GSK3B: variants seen among roughly 807,000 people sequenced by gnomAD.
The protein encoded by GSK3B is glycogen synthase kinase-3 beta.
Under a neutral mutation model 56.4 loss-of-function variants are expected in GSK3B, and 15 were observed. The ratio of observed to expected loss-of-function variants is 0.27; its 90% CI spans 0.18 to 0.41. The LOEUF is 0.41. Ranked by LOEUF, GSK3B falls within the 10% of genes least tolerant of loss-of-function variation. The pLI is 1.00. For synonymous variants in GSK3B, 181 were observed against 188.9 expected, an observed-to-expected ratio of 0.96 and a Z score of 0.34; for missense variants, 300 against 513.4, an observed-to-expected ratio of 0.58 and a Z score of 4.02.
chr3:119,983,251 A>T (rs1316853671), intron 2 of GSK3B, among the ~76,000 whole-genome samples: 9 of 152,218 alleles, frequency 5.9e-5, no homozygotes, highest in Admixed American at 5.9e-4. Context: ...CTGCAAAAAC[A>T]TGCCAAATTG....
At position 119,998,517 on chromosome 3, in the gene GSK3B, C is replaced by A. The variant is rs74686642; in HGVS notation, c.282+3529G>T. On this transcript the variant is annotated intron_variant, in intron 2 of 10. Coordinates refer to ENST00000264235, the MANE Select transcript of GSK3B (RefSeq NM_001146156.2). The stretch of plus-strand genomic sequence containing the variant: ...AGCTAAGCCATGCCTGAATTTCCAA[C>A]GCACAGAAGCACTGAGATAATAAAA... 7.2e-5 allele frequency among the ~76,000 whole-genome samples: 11 copies of A among 152,236 alleles called. 1 individual carries two copies. The East Asian group carries it at 1.9e-3, about 27-fold the overall frequency.
chr3:119,875,291 G>C (rs770395847), intron 8 of GSK3B, among the ~76,000 whole-genome samples: 2 of 150,880 alleles, frequency 1.3e-5, no homozygotes, highest in Non-Finnish European at 3.0e-5. Context: ...ATCTGATTAA[G>C]AGAGAGAGAG....
At chr3:119,950,576 T>C (rs147628482) in intron 2 of GSK3B, among the ~76,000 whole-genome samples, 32 of 152,180 alleles carry the variant, frequency 2.1e-4, no homozygotes, top group African/African-American at 6.7e-4. Context: ...ACTGACTAGA[T>C]TGAATTAAAG....
chr3:119,873,656 C>T (rs2056274390), intron 8 of GSK3B, among the ~76,000 whole-genome samples: 1 of 152,062 alleles, frequency 6.6e-6, no homozygotes, highest in Admixed American at 6.6e-5. Flanking sequence ...TTAAGTTTTG[C>T]ATTTTAATTC....
intron 4 of GSK3B, among the ~76,000 whole-genome samples, chr3:119,917,056 G>A (rs1307659710): frequency 1.3e-5 from 2 of 151,888 alleles, no homozygotes; most frequent in African/African-American, 2.4e-5. Context: ...TTTACCTTCT[G>A]ACCTCTACCC....
At chr3:119,852,340 A>G (rs1005493247) in intron 9 of GSK3B, among the ~76,000 whole-genome samples, 2 of 151,628 alleles carry the variant, frequency 1.3e-5, no homozygotes, top group African/African-American at 4.9e-5. Flanking sequence ...AAAATCTTAT[A>G]TTCAGAACTC....
chr3:119,928,727 G>C (rs998185594), intron 3 of GSK3B, among the ~76,000 whole-genome samples: 11 of 150,536 alleles, frequency 7.3e-5, no homozygotes, highest in Non-Finnish European at 1.0e-4. Context: ...TAATTAAGAA[G>C]TAAGATTAGC....
At chr3:119,829,885 A>G (rs1179225759) in intron 10 of GSK3B, among the ~76,000 whole-genome samples, 1 of 152,228 alleles carries the variant, frequency 6.6e-6, no homozygotes. Flanking sequence ...ACATAATTTT[A>G]ACGCTAATTA....
At chr3:119,861,546 CAAAA>C (rs1004581406) in intron 9 of GSK3B, among the ~76,000 whole-genome samples, 1 of 149,192 alleles carries the variant, frequency 6.7e-6, no homozygotes, top group Non-Finnish European at 1.5e-5. Flanking sequence ...AACAAACAAA[CAAAA>C]AAACCAAAAA....
intron 8 of GSK3B, among the ~76,000 whole-genome samples, chr3:119,875,561 G>A (rs187972926): frequency 3.4e-5 from 5 of 148,186 alleles, no homozygotes; most frequent in Non-Finnish European, 5.9e-5. Flanking sequence ...GTTTAATCCC[G>A]GCTTTGTCAC....
Position 120,081,966 on chromosome 3 carries a change from G to A in GSK3B, c.88+11381C>T, listed in dbSNP as rs116351606. ...CAGCTAAGGTCTTTGAAACAGCAAG[G>A]GGAAATAATATATGACAAAGAATAT... On this transcript the variant is annotated intron_variant, in intron 1 of 10. Coordinates refer to ENST00000264235, the MANE Select transcript of GSK3B (RefSeq NM_001146156.2). Among the ~76,000 whole-genome samples, 231 of 152,206 alleles carry A rather than the reference G, an allele frequency of 1.5e-3. 1 individual carries two copies. The highest frequency in any genetic ancestry group is 3.6e-3 in the Admixed American group (55 of 15,286).
At chr3:119,950,562 A>G (rs1196996845) in intron 2 of GSK3B, among the ~76,000 whole-genome samples, 9 of 152,232 alleles carry the variant, frequency 5.9e-5, no homozygotes, top group Non-Finnish European at 1.3e-4. Flanking sequence ...CAATGGTGAA[A>G]AAAACTGACT....
At chr3:120,013,852 T>C (rs1250917814) in intron 1 of GSK3B, among the ~76,000 whole-genome samples, 1 of 140,310 alleles carries the variant, frequency 7.1e-6, no homozygotes, top group East Asian at 2.1e-4. Context: ...AAACCACGTT[T>C]AAAAAAAAAA....
chr3:119,923,254 A>G (rs72546696), intron 4 of GSK3B, 119 bp downstream of exon 4: 6,793 of 512,714 alleles, frequency 0.013, 135 homozygotes, highest in South Asian at 0.067. Context: ...AACAATACCT[A>G]CTTTACAGTT....
chr3:119,927,886 A>C (rs1272242430), intron 3 of GSK3B, among the ~76,000 whole-genome samples: 2 of 152,258 alleles, frequency 1.3e-5, no homozygotes, highest in African/African-American at 4.8e-5. Flanking sequence ...AAGCAAGGAA[A>C]GATTAGCATC....
At chr3:119,942,744 G>A (rs143571900) in intron 3 of GSK3B, among the ~76,000 whole-genome samples, 25 of 152,158 alleles carry the variant, frequency 1.6e-4, no homozygotes, top group African/African-American at 5.8e-4. Context: ...TTTCATTGGG[G>A]ATGTAGAAAG....
intron 4 of GSK3B, among the ~76,000 whole-genome samples, chr3:119,917,652 G>A (rs2056794440): frequency 6.8e-6 from 1 of 146,338 alleles, no homozygotes; most frequent in African/African-American, 2.6e-5. Flanking sequence ...CAGTGAAAAC[G>A]AGTTTTCTTT....
intron 2 of GSK3B, 59 bp from the exon 3 acceptor site, chr3:119,947,410 A>C: frequency 9.9e-7 from 1 of 1,015,006 alleles, no homozygotes; most frequent in South Asian, 1.3e-5. Flanking sequence ...CATCATATTG[A>C]ACAAGATGCT....
chr3:119,867,954 A>G (rs1397885876), intron 8 of GSK3B, among the ~76,000 whole-genome samples: 1 of 152,148 alleles, frequency 6.6e-6, no homozygotes, highest in African/African-American at 2.4e-5. Context: ...AGAGCACAAA[A>G]TAAGACTCAA....
Sources: allele counts gnomAD v4.1 joint callset (sites outside exome capture counted in the v4.1 genomes callset), GRCh38; gene constraint gnomAD v4.1.1; transcripts MANE v1.5; gene names NCBI Gene and HGNC (gene_info 2026-07-23, HGNC 2026-07-21).